PTPRN2: variants seen among roughly 807,000 people sequenced by gnomAD.
PTPRN2 encodes receptor-type tyrosine-protein phosphatase N2.
In PTPRN2, 74 loss-of-function variants were observed where a neutral mutation model predicts 118.8. The observed-to-expected ratio is 0.62, with a 90% CI of 0.52 to 0.76. The LOEUF is 0.76. Ranked by LOEUF, PTPRN2 falls within the 30% of genes least tolerant of loss-of-function variation. The pLI, the probability that PTPRN2 is intolerant of heterozygous loss-of-function variation, is 0.00. For missense variants in PTPRN2, 1,481 were observed against 1,394.4 expected, an observed-to-expected ratio of 1.06 and a Z score of -0.99; for synonymous variants, 641 against 608.0, an observed-to-expected ratio of 1.05 and a Z score of -0.80.
At chr7:158,009,516 A>G (rs1429511347) in intron 11 of PTPRN2, among the ~76,000 whole-genome samples, 1 of 152,216 alleles carries the variant, frequency 6.6e-6, no homozygotes, top group Non-Finnish European at 1.5e-5. Context: ...TATTAAAAAT[A>G]TAATAGATAA....
rs112014639 is a variant in PTPRN2, at chr7:157,619,671, C to T, written c.2344+1691G>A. Among the ~76,000 whole-genome samples, 377 of 152,340 alleles carry T rather than the reference C, an allele frequency of 2.5e-3. 1 individual carries two copies. The highest frequency in any genetic ancestry group is 4.2e-3 in the Non-Finnish European group (284 of 68,032). On this transcript the variant is annotated intron_variant, in intron 15 of 22. Transcript: ENST00000389418. This position sits in a 1 kb window ranked among gnomAD's most constrained non-coding sequence, Gnocchi z 5.3. ...TGAACACTAAATGGGTAGCAAGAAG[C>T]GTGCACCCAGCTGGGTGAATGGGAT...
At chr7:158,351,377 G>C (rs531521857) in intron 2 of PTPRN2, among the ~76,000 whole-genome samples, 1 of 152,166 alleles carries the variant, frequency 6.6e-6, no homozygotes, top group East Asian at 1.9e-4. Context: ...CCTAATTGTT[G>C]GGCACAGTCT....
At position 157,676,873 on chromosome 7, in the gene PTPRN2, T is replaced by A. The variant is rs901142647; in HGVS notation, c.2001+5852A>T. On this transcript the variant is annotated intron_variant, in intron 13 of 22. Coordinates refer to ENST00000389418, the MANE Select transcript of PTPRN2 (RefSeq NM_002847.5). The surrounding 1 kb of genome is among the most constrained non-coding windows in gnomAD (Gnocchi z 5.6). Reference sequence around the variant, plus strand: ...GGGTCACCCCAGGAGCGACCCTGGCTTTGACGAGAAGGAAGTGTTCTCTGG... The same window carrying A: ...GGGTCACCCCAGGAGCGACCCTGGCATTGACGAGAAGGAAGTGTTCTCTGG... 6.6e-6 allele frequency among the ~76,000 whole-genome samples: 1 copy of A among 152,104 alleles called. No individual in the cohort carries two copies. Among genetic ancestry groups the A allele is most frequent in the Admixed American group, 6.5e-5 (1 of 15,278 alleles).
At chr7:157,754,213 C>T (rs1801651190) in intron 12 of PTPRN2, among the ~76,000 whole-genome samples, 1 of 152,248 alleles carries the variant, frequency 6.6e-6, no homozygotes, top group African/African-American at 2.4e-5. Context: ...GAGAAGCAAA[C>T]TCAGGCCTGG....
intron 12 of PTPRN2, among the ~76,000 whole-genome samples, chr7:157,697,301 T>C (rs1165444128): frequency 6.9e-6 from 1 of 144,582 alleles, no homozygotes; most frequent in Non-Finnish European, 1.5e-5. Flanking sequence ...GCATACTGGG[T>C]CTTGGCAGAG....
rs149030353 is a variant in PTPRN2, at chr7:158,267,594, G to A, written c.277+49225C>T. 2.5e-3 allele frequency among the ~76,000 whole-genome samples: 387 copies of A among 152,276 alleles called. 5 individuals are homozygous for A. The highest frequency in any genetic ancestry group is 8.5e-3 in the African/African-American group (354 of 41,556). ...CACGGGGGTGACTGAGCATCTGAGC[G>A]GGATCACCGTGGCCTGGGGGCCTGC... On this transcript the variant is annotated intron_variant, in intron 3 of 22. Transcript: ENST00000389418.
rs1026741842 is a variant in PTPRN2, at chr7:158,587,736, C to A, written c.-67G>T. 9.0e-7 allele frequency: 1 copy of A among 1,113,588 alleles called. No homozygotes were observed. The highest frequency in any genetic ancestry group is 1.7e-5 in the African/African-American group (1 of 59,954). 69.0% of individuals were successfully genotyped at this position (1,113,588 alleles called of 1,614,324 possible). Reference sequence around the variant, plus strand: ...GGAGGCGGCGGGAGGCGGCCGAGTCCGGGCCCAGGGAGGCGCGCGCCGCCG... The same window carrying A: ...GGAGGCGGCGGGAGGCGGCCGAGTCAGGGCCCAGGGAGGCGCGCGCCGCCG... On this transcript the variant is annotated 5_prime_UTR_variant, in exon 1 of 23. Transcript: ENST00000389418.
At chr7:157,855,712 A>G (rs1392186369) in intron 12 of PTPRN2, among the ~76,000 whole-genome samples, 1 of 152,248 alleles carries the variant, frequency 6.6e-6, no homozygotes, top group Non-Finnish European at 1.5e-5. Flanking sequence ...AGCCGGAGCC[A>G]GGAAAGCCAC....
chr7:158,585,445 GT>G (rs1418992692), intron 1 of PTPRN2, among the ~76,000 whole-genome samples: 2 of 152,138 alleles, frequency 1.3e-5, no homozygotes, highest in Admixed American at 6.5e-5. Context: ...CATCCTTAAT[GT>G]TTTCCCACAA....
rs375424575 is a variant in PTPRN2, at chr7:158,015,449, G to T, written c.1723+65849C>A. ...GAGAGAGGGAAAAAGTGAGAGGAGG[G>T]GTGGTGAGAGAGAGAGAGAGAGGAA... is the stretch of plus-strand genomic sequence containing the variant. On this transcript the variant is annotated intron_variant, in intron 11 of 22. Transcript: ENST00000389418. The surrounding 1 kb of genome is among the most constrained non-coding windows in gnomAD (Gnocchi z 4.2). Among the ~76,000 whole-genome samples, 1 of 149,472 alleles carries T rather than the reference G, an allele frequency of 6.7e-6. No individual in the cohort carries two copies. Among genetic ancestry groups the T allele is most frequent in the African/African-American group, 2.5e-5 (1 of 40,414 alleles).
At chr7:157,875,233 C>A (rs886593619) in intron 12 of PTPRN2, among the ~76,000 whole-genome samples, 4 of 152,206 alleles carry the variant, frequency 2.6e-5, no homozygotes, top group African/African-American at 9.7e-5. Context: ...GGCTTGGAAA[C>A]GGTCCAGACC....
At chr7:157,720,336 TC>T (rs1799161243) in intron 12 of PTPRN2, among the ~76,000 whole-genome samples, 1 of 152,298 alleles carries the variant, frequency 6.6e-6, no homozygotes, top group South Asian at 2.1e-4. Flanking sequence ...AATCGGTCAT[TC>T]CAATGTCCGA....
chr7:157,693,514 G>A (rs1797621407), intron 12 of PTPRN2, among the ~76,000 whole-genome samples: 1 of 152,136 alleles, frequency 6.6e-6, no homozygotes, highest in Non-Finnish European at 1.5e-5. Context: ...CTCCCGCTGC[G>A]GTCGCAGGGC....
At chr7:158,263,527 G>A (rs962431804) in intron 3 of PTPRN2, among the ~76,000 whole-genome samples, 1 of 152,240 alleles carries the variant, frequency 6.6e-6, no homozygotes, top group Admixed American at 6.5e-5. Context: ...AGGCCCATCA[G>A]CATCTGCTCA....
intron 2 of PTPRN2, among the ~76,000 whole-genome samples, chr7:158,467,232 G>T (rs1819461058): frequency 6.6e-6 from 1 of 151,322 alleles, no homozygotes; most frequent in African/African-American, 2.4e-5. Flanking sequence ...TTCTATTCAG[G>T]TTCTTTGCCC....
intron 11 of PTPRN2, among the ~76,000 whole-genome samples, chr7:158,047,044 C>T (rs550361934): frequency 2.0e-5 from 3 of 152,338 alleles, no homozygotes; most frequent in African/African-American, 7.2e-5. Flanking sequence ...CCCCGCCCCT[C>T]GCCCCGGAAT....
intron 16 of PTPRN2, among the ~76,000 whole-genome samples, chr7:157,601,534 AC>A (rs1801666774): frequency 6.6e-6 from 1 of 152,188 alleles, no homozygotes; most frequent in South Asian, 2.1e-4. Context: ...TTGCCTTCTC[AC>A]CCAAGCTCCT....
intron 12 of PTPRN2, among the ~76,000 whole-genome samples, chr7:157,715,837 C>CA (rs1798872896): frequency 6.6e-6 from 1 of 152,208 alleles, no homozygotes; most frequent in African/African-American, 2.4e-5. Context: ...TGCAGGGTTG[C>CA]ACTCTGAAAA....
intron 21 of PTPRN2, among the ~76,000 whole-genome samples, chr7:157,559,238 G>T (rs548906128): frequency 6.6e-6 from 1 of 152,202 alleles, no homozygotes; most frequent in Non-Finnish European, 1.5e-5. Flanking sequence ...GACTTCAGGC[G>T]CTAGGAACGG....
Sources: allele counts gnomAD v4.1 joint callset (sites outside exome capture counted in the v4.1 genomes callset), GRCh38; gene constraint gnomAD v4.1.1; non-coding constraint Gnocchi (gnomAD v3.1); transcripts MANE v1.5; gene names NCBI Gene and HGNC (gene_info 2026-07-23, HGNC 2026-07-21).